EFCAB6: variants seen among roughly 807,000 people sequenced by gnomAD.
EFCAB6 encodes the protein EF-hand calcium binding domain 6.
EFCAB6 carries 156 observed loss-of-function variants against 169.8 expected under a neutral mutation model. The ratio of observed to expected loss-of-function variants is 0.92; its 90% CI spans 0.81 to 1.05. The LOEUF (loss-of-function observed/expected upper bound fraction) is 1.05, where lower values mean the gene tolerates loss of function less well. EFCAB6 is among the 50% of genes least tolerant of loss of function. The probability of loss-of-function intolerance (pLI) is 0.00; values close to 1 mark genes in which losing one functional copy is unlikely to be tolerated. For missense variants in EFCAB6, 1,800 were observed against 1,829.1 expected (o/e 0.98, Z 0.29); for synonymous variants, 698 against 676.4 (o/e 1.03, Z -0.50).
At chr22:43,752,204 G>A (rs2060797428) in intron 6 of EFCAB6, among the ~76,000 whole-genome samples, 3 of 144,566 alleles carry the variant, frequency 2.1e-5, no homozygotes, top group South Asian at 4.3e-4. Flanking sequence ...TGCAACCTCT[G>A]CCTCCTGGAT....
chr22:43,564,881 G>C (rs554699455), intron 26 of EFCAB6, among the ~76,000 whole-genome samples: 3 of 152,196 alleles, frequency 2.0e-5, no homozygotes, highest in South Asian at 2.1e-4. Flanking sequence ...TTCATAGAAG[G>C]GGGTGGTAGA....
At chr22:43,804,488 G>A (rs889895428) in intron 2 of EFCAB6, among the ~76,000 whole-genome samples, 3 of 152,140 alleles carry the variant, frequency 2.0e-5, no homozygotes, top group Admixed American at 6.5e-5. Context: ...GACTGGACAC[G>A]GTGGCTCACA....
intron 4 of EFCAB6, among the ~76,000 whole-genome samples, chr22:43,769,943 C>T (rs1193854223): frequency 2.0e-5 from 3 of 152,010 alleles, no homozygotes; most frequent in African/African-American, 7.3e-5. Context: ...CAAACTCTGC[C>T]TCCCGGGTTC....
chr22:43,780,390 G>A (rs2061780045), intron 3 of EFCAB6, among the ~76,000 whole-genome samples: 1 of 150,626 alleles, frequency 6.6e-6, no homozygotes, highest in African/African-American at 2.4e-5. Context: ...AGGAGGCTGA[G>A]GCATGAGAAT....
At chr22:43,687,946 A>T (rs1164345976) in intron 10 of EFCAB6, among the ~76,000 whole-genome samples, 3 of 152,190 alleles carry the variant, frequency 2.0e-5, no homozygotes, top group Non-Finnish European at 4.4e-5. Context: ...TCCACCCTCT[A>T]ATCCTGAGCC....
At chr22:43,529,120 A>G in intron 31 of EFCAB6, 145 bp from the exon 32 acceptor site, 1 of 962,408 alleles carries the variant, frequency 1.0e-6, no homozygotes, top group Non-Finnish European at 1.5e-6. Flanking sequence ...CGCTCTCTCT[A>G]TGCCCTCTCA....
chr22:43,636,731 C>T (rs1348320022), intron 17 of EFCAB6, among the ~76,000 whole-genome samples: 2 of 151,550 alleles, frequency 1.3e-5, no homozygotes, highest in African/African-American at 2.4e-5. Context: ...CTGCCTCAGC[C>T]TCCCGAGTAG....
intron 21 of EFCAB6, among the ~76,000 whole-genome samples, chr22:43,614,694 C>G (rs1026967602): frequency 6.6e-6 from 1 of 152,164 alleles, no homozygotes; most frequent in Non-Finnish European, 1.5e-5. Context: ...TTGGTGTGGG[C>G]CAGCGCAGAC....
At chr22:43,745,579 G>C (rs2060531781) in intron 6 of EFCAB6, among the ~76,000 whole-genome samples, 1 of 152,172 alleles carries the variant, frequency 6.6e-6, no homozygotes, top group African/African-American at 2.4e-5. Flanking sequence ...GCACCCCCAT[G>C]TCTTGGCTCA....
At chr22:43,784,574 CATAT>C (rs1287305400) in intron 2 of EFCAB6, among the ~76,000 whole-genome samples, 694 of 54,776 alleles carry the variant, frequency 0.013, 33 homozygotes, top group African/African-American at 0.049. Flanking sequence ...TATATGTGTA[CATAT>C]ACACATATAT....
In EFCAB6 at chr22:43,756,544, G is replaced by A. The variant is rs188247617; in HGVS notation, c.441-712C>T. Among the ~76,000 whole-genome samples the A allele has an allele frequency of 3.9e-4, 60 of 152,278 alleles. No homozygotes were observed. The East Asian group carries it at 7.9e-3, about 20-fold the overall frequency. ...TAGGGTGAGGGTGGGAGGAGAACACGAGGAGGCAGAGCTGGCGCCCCTCCA... is the reference window on the plus strand; with the variant it reads ...TAGGGTGAGGGTGGGAGGAGAACACAAGGAGGCAGAGCTGGCGCCCCTCCA... On this transcript the variant is annotated intron_variant, in intron 5 of 31. Transcript: ENST00000262726.
Position 43,632,280 on chromosome 22 carries a change from C to T in EFCAB6, c.2099-42G>A, listed in dbSNP as rs770342064. Reference sequence around the variant, plus strand: ...GATCGGGGTTTCCATTAGTGCCCATCAGCTTCATTCCTTCTTTTTTTTTTT... The same window carrying T: ...GATCGGGGTTTCCATTAGTGCCCATTAGCTTCATTCCTTCTTTTTTTTTTT... On this transcript the variant is annotated intron_variant, in intron 18 of 31. Coordinates refer to ENST00000262726, the MANE Select transcript of EFCAB6 (RefSeq NM_022785.4). The T allele has an allele frequency of 7.0e-6, 9 of 1,289,726 alleles. No homozygotes were observed. In the East Asian group the frequency reaches 2.2e-4, roughly 32 times the overall value. 79.9% of individuals were successfully genotyped at this position (1,289,726 alleles called of 1,614,324 possible). A position where few individuals can be genotyped will look rare whatever the true frequency, so the allele number is the denominator to read the frequency against.
intron 5 of EFCAB6, among the ~76,000 whole-genome samples, chr22:43,757,065 TGGA>T (rs1274777227): frequency 6.6e-6 from 1 of 152,144 alleles, no homozygotes; most frequent in East Asian, 1.9e-4. Context: ...GGGAAGACAC[TGGA>T]GTGCTTAGCA....
chr22:43,554,822 C>T (rs201859033), intron 27 of EFCAB6, 47 bp downstream of exon 27: 29 of 1,525,292 alleles, frequency 1.9e-5, no homozygotes, highest in Middle Eastern at 3.4e-4. Flanking sequence ...ACCAGGCTGA[C>T]GCTCAGCCAA....
intron 6 of EFCAB6, among the ~76,000 whole-genome samples, chr22:43,737,010 C>T (rs576189166): frequency 2.6e-5 from 4 of 152,026 alleles, no homozygotes; most frequent in Non-Finnish European, 5.9e-5. Context: ...CACTTCCTTC[C>T]TAACCCTCCC....
At chr22:43,735,749 G>T in intron 7 of EFCAB6, 108 bp downstream of exon 7, 1 of 1,271,592 alleles carries the variant, frequency 7.9e-7, no homozygotes, top group Non-Finnish European at 1.1e-6. Context: ...TGTGTGTGTG[G>T]CAGGGGGAGG....
intron 2 of EFCAB6, among the ~76,000 whole-genome samples, chr22:43,787,477 C>T (rs2062125111): frequency 6.6e-6 from 1 of 151,844 alleles, no homozygotes; most frequent in East Asian, 1.9e-4. Flanking sequence ...AATGAACAAT[C>T]TGAAAATAAA....
At chr22:43,740,917 C>T in intron 6 of EFCAB6, among the ~76,000 whole-genome samples, 1 of 152,158 alleles carries the variant, frequency 6.6e-6, no homozygotes, top group East Asian at 1.9e-4. Context: ...CCAGAGCAAC[C>T]CATATGGATC....
chr22:43,624,829 T>C (rs527372865), intron 20 of EFCAB6, among the ~76,000 whole-genome samples: 1 of 152,312 alleles, frequency 6.6e-6, no homozygotes, highest in South Asian at 2.1e-4. Context: ...AATGAGTGTA[T>C]ACATACAATA....
Sources: gnomAD v4.1 joint callset for allele counts (sites outside exome capture counted in the v4.1 genomes callset) on GRCh38, gnomAD v4.1.1 for gene constraint, MANE v1.5 for transcripts, NCBI Gene and HGNC (gene_info 2026-07-23, HGNC 2026-07-21) for gene names.